Variants in CEP112 observed in about 807,000 individuals in gnomAD.
CEP112 encodes the protein centrosomal protein of 112 kDa.
In CEP112, 127 loss-of-function variants were observed where a neutral mutation model predicts 153.0. The ratio of observed to expected loss-of-function variants is 0.83; its 90% CI spans 0.72 to 0.96. The LOEUF (loss-of-function observed/expected upper bound fraction) is 0.96, where lower values mean the gene tolerates loss of function less well. Ranked by LOEUF, CEP112 falls within the 40% of genes least tolerant of loss-of-function variation. The probability of loss-of-function intolerance (pLI) is 0.00; values close to 1 mark genes in which losing one functional copy is unlikely to be tolerated. For missense variants in CEP112, 1,089 were observed against 1,101.2 expected, an observed-to-expected ratio of 0.99 and a Z score of 0.16; for synonymous variants, 358 against 374.4, an observed-to-expected ratio of 0.96 and a Z score of 0.51.
At chr17:66,082,150 T>G (rs1406465523) in intron 8 of CEP112, among the ~76,000 whole-genome samples, 1 of 152,200 alleles carries the variant, frequency 6.6e-6, no homozygotes, top group Non-Finnish European at 1.5e-5. Flanking sequence ...GACCTCTTCT[T>G]GTTGTGTTGT....
intron 11 of CEP112, among the ~76,000 whole-genome samples, chr17:66,058,430 A>G (rs966416985): frequency 6.6e-6 from 1 of 152,182 alleles, no homozygotes; most frequent in Admixed American, 6.5e-5. Context: ...AACCAACTAA[A>G]AAGCAATCTA....
intron 21 of CEP112, among the ~76,000 whole-genome samples, chr17:65,844,673 T>C (rs915509109): frequency 1.5e-5 from 2 of 137,704 alleles, no homozygotes; most frequent in African/African-American, 5.5e-5. Flanking sequence ...GAAGACTCTA[T>C]CTCAAAAAAA....
chr17:66,098,526 T>C (rs561107978), intron 6 of CEP112, among the ~76,000 whole-genome samples: 1 of 152,232 alleles, frequency 6.6e-6, no homozygotes, highest in African/African-American at 2.4e-5. Context: ...GAAGAATCAA[T>C]TAATCAAAAA....
intron 21 of CEP112, among the ~76,000 whole-genome samples, chr17:65,809,507 A>C (rs2145894529): frequency 6.6e-6 from 1 of 152,320 alleles, no homozygotes; most frequent in African/African-American, 2.4e-5. Context: ...TTGGGTGGTA[A>C]TGACAGACGT....
chr17:65,792,488 G>C (rs1483298073), intron 21 of CEP112, among the ~76,000 whole-genome samples: 1 of 151,992 alleles, frequency 6.6e-6, no homozygotes, highest in African/African-American at 2.4e-5. Flanking sequence ...TGCAGAACAA[G>C]TTACATACCG....
chr17:65,721,299 C>T (rs953523648), intron 23 of CEP112, among the ~76,000 whole-genome samples: 2 of 152,102 alleles, frequency 1.3e-5, no homozygotes, highest in Non-Finnish European at 2.9e-5. Context: ...CATGAGCCAC[C>T]GCGCCCAGGC....
chr17:65,954,999 A>G (rs1413569858), intron 18 of CEP112, among the ~76,000 whole-genome samples: 1 of 152,232 alleles, frequency 6.6e-6, no homozygotes, highest in South Asian at 2.1e-4. Flanking sequence ...ATGCAAATAC[A>G]AGAAGCACAA....
intron 16 of CEP112, 52 bp downstream of exon 16, chr17:66,027,449 A>T (rs996279867): frequency 7.7e-7 from 1 of 1,300,156 alleles, no homozygotes; most frequent in Non-Finnish European, 1.0e-6. Flanking sequence ...AGTCTGCATT[A>T]ATGCCTCATT....
chr17:65,794,562 A>G (rs554997639), intron 21 of CEP112, among the ~76,000 whole-genome samples: 1 of 152,300 alleles, frequency 6.6e-6, no homozygotes. Flanking sequence ...GAAACTCTCA[A>G]CTTCTCTAAT....
intron 24 of CEP112, among the ~76,000 whole-genome samples, chr17:65,684,200 C>T (rs956404134): frequency 6.6e-6 from 1 of 152,148 alleles, no homozygotes; most frequent in African/African-American, 2.4e-5. Context: ...CACTGTTTAG[C>T]AAAATACACC....
intron 23 of CEP112, among the ~76,000 whole-genome samples, chr17:65,707,227 A>G (rs2048964036): frequency 6.6e-6 from 1 of 152,152 alleles, no homozygotes; most frequent in Middle Eastern, 3.2e-3. Flanking sequence ...TTACCCTGCC[A>G]CATTCAATTT....
intron 19 of CEP112, among the ~76,000 whole-genome samples, chr17:65,912,206 C>A (rs1876516200): frequency 6.6e-6 from 1 of 152,158 alleles, no homozygotes; most frequent in African/African-American, 2.4e-5. Flanking sequence ...TCTCTCAGAA[C>A]ACAGCTCATT....
intron 19 of CEP112, chr17:65,913,934 T>C: frequency 1.1e-6 from 1 of 933,642 alleles, no homozygotes. Flanking sequence ...TCCTGAGTTT[T>C]TAAAACTTTT....
chr17:65,801,758 C>T (rs1356763391), intron 21 of CEP112, among the ~76,000 whole-genome samples: 1 of 152,108 alleles, frequency 6.6e-6, no homozygotes, highest in Admixed American at 6.6e-5. Flanking sequence ...TTTCTTTAGA[C>T]ATAATATTTT....
chr17:65,828,419 T>C (rs113755837), intron 21 of CEP112, among the ~76,000 whole-genome samples: 1 of 152,320 alleles, frequency 6.6e-6, no homozygotes, highest in South Asian at 2.1e-4. Flanking sequence ...TAAGAAATGG[T>C]GTCCATCAGA....
chr17:66,067,429 T>C (rs2067164702), intron 9 of CEP112, among the ~76,000 whole-genome samples: 1 of 152,224 alleles, frequency 6.6e-6, no homozygotes, highest in South Asian at 2.1e-4. Context: ...ATGTGTCTAA[T>C]ATTTCTCTTC....
intron 12 of CEP112, among the ~76,000 whole-genome samples, chr17:66,032,670 T>G (rs1381074753): frequency 6.6e-6 from 1 of 152,188 alleles, no homozygotes; most frequent in Non-Finnish European, 1.5e-5. Context: ...CAGCCTTTAT[T>G]ATTTTTTGTG....
chr17:66,149,361 G>A (rs1016824190), intron 4 of CEP112, among the ~76,000 whole-genome samples: 1 of 152,164 alleles, frequency 6.6e-6, no homozygotes, highest in Non-Finnish European at 1.5e-5. Context: ...GATAAATTTA[G>A]AAGTGTTTCC....
chr17:65,944,273 T>C (rs1330289524), intron 18 of CEP112, among the ~76,000 whole-genome samples: 1 of 152,222 alleles, frequency 6.6e-6, no homozygotes, highest in Non-Finnish European at 1.5e-5. Flanking sequence ...GGCACATGTT[T>C]ACCTATGTCA....
Sources: allele counts gnomAD v4.1 joint callset (sites outside exome capture counted in the v4.1 genomes callset), GRCh38; gene constraint gnomAD v4.1.1; transcripts MANE v1.5; gene names NCBI Gene and HGNC (gene_info 2026-07-23, HGNC 2026-07-21).